The following TMEM9B variants were observed in gnomAD, a reference collection of about 807,000 sequenced individuals.
The protein encoded by TMEM9B is TMEM9 domain family member B, also known as transmembrane protein 9B.
A neutral mutation model predicts 23.5 loss-of-function variants in TMEM9B; 8 were observed. The observed-to-expected ratio is 0.34, with a 90% CI of 0.20 to 0.61. The LOEUF is 0.61. Ranked by LOEUF, TMEM9B falls within the 20% of genes least tolerant of loss-of-function variation. The pLI, the probability that TMEM9B is intolerant of heterozygous loss-of-function variation, is 0.78. For synonymous variants in TMEM9B, 106 were observed against 96.3 expected (o/e 1.10, Z -0.59); for missense variants, 197 against 252.3 (o/e 0.78, Z 1.49).
chr11:8,951,518 G>A (rs945261782), intron 4 of TMEM9B, among the ~76,000 whole-genome samples: 1 of 151,888 alleles, frequency 6.6e-6, no homozygotes, highest in Non-Finnish European at 1.5e-5. Flanking sequence ...TTGGGAGGCC[G>A]AGGCAGGGGG....
At chr11:8,956,095 G>T (rs775778782) in intron 3 of TMEM9B, 95 bp downstream of exon 3, 4 of 1,074,432 alleles carry the variant, frequency 3.7e-6, no homozygotes, top group African/African-American at 3.2e-5. Context: ...TTGGGGTAGG[G>T]GTCCAAATTT....
intron 1 of TMEM9B, among the ~76,000 whole-genome samples, chr11:8,963,777 G>A (rs1300196768): frequency 6.6e-6 from 1 of 152,296 alleles, no homozygotes; most frequent in East Asian, 1.9e-4. Context: ...TCAGATGGGG[G>A]CTTCCTATCA....
In TMEM9B at chr11:8,963,958, C is replaced by T. The variant is rs1303143931; in HGVS notation, c.105+251G>A. On this transcript the variant is annotated intron_variant, in intron 1 of 4. Transcript: ENST00000534025. ...GTTAAGGCGGTGGGGGGCTGCTGTC[C>T]GGACTGTGGGCACTGTCGGGGCTGG... The T allele has an allele frequency of 1.2e-5, 6 of 513,948 alleles. No homozygotes were observed. The East Asian group carries it at 2.1e-4, about 18-fold the overall frequency. The allele number at this position is 513,948 out of a possible 1,614,324, so 31.8% of individuals were successfully genotyped here. A position where few individuals can be genotyped will look rare whatever the true frequency, so the allele number is the denominator to read the frequency against.
intron 2 of TMEM9B, among the ~76,000 whole-genome samples, chr11:8,961,755 C>T (rs1854087655): frequency 6.6e-6 from 1 of 152,182 alleles, no homozygotes; most frequent in African/African-American, 2.4e-5. Flanking sequence ...GCTTGCTAAC[C>T]TTCCACTGAA....
At chr11:8,949,289 A>T (rs1853833541) in intron 4 of TMEM9B, among the ~76,000 whole-genome samples, 1 of 152,248 alleles carries the variant, frequency 6.6e-6, no homozygotes, top group African/African-American at 2.4e-5. Flanking sequence ...AAACGAGTAC[A>T]ACTGGATGTT....
chr11:8,953,847 C>A (rs1450253044), intron 3 of TMEM9B, among the ~76,000 whole-genome samples: 2 of 152,124 alleles, frequency 1.3e-5, no homozygotes, highest in African/African-American at 4.8e-5. Context: ...TAAAGTGGTA[C>A]AACCACTTTG....
At chr11:8,961,711 A>G (rs1854086551) in intron 2 of TMEM9B, among the ~76,000 whole-genome samples, 1 of 152,204 alleles carries the variant, frequency 6.6e-6, no homozygotes, top group African/African-American at 2.4e-5. Flanking sequence ...ATCAAAACCT[A>G]CAAGTTGTAA....
At position 8,957,347 on chromosome 11, in the gene TMEM9B, CT is replaced by C. The variant is rs1853993636; in HGVS notation, c.198-1050del. On this transcript the variant is annotated intron_variant, in intron 2 of 4. Coordinates refer to ENST00000534025, the MANE Select transcript of TMEM9B (RefSeq NM_020644.3). This position sits in a 1 kb window ranked among gnomAD's most constrained non-coding sequence, Gnocchi z 4.3. ...GTGCTATCAGATTTTTCCTAGAAAT[CT>C]GTCAATTCTAAGCAATAACTAAATT... Among the ~76,000 whole-genome samples the C allele has an allele frequency of 6.6e-6, 1 of 152,230 alleles. No individual in the cohort carries two copies. Among genetic ancestry groups the C allele is most frequent in the Non-Finnish European group, 1.5e-5 (1 of 68,038 alleles).
chr11:8,955,358 T>G (rs1434761728), intron 3 of TMEM9B, among the ~76,000 whole-genome samples: 1 of 152,098 alleles, frequency 6.6e-6, no homozygotes, highest in Admixed American at 6.6e-5. Context: ...TTGGGTATGA[T>G]TCTAGCACAT....
rs1481851474 is a variant in TMEM9B, at chr11:8,960,745, G to A, written c.197+1347C>T. Among the ~76,000 whole-genome samples the A allele has an allele frequency of 4.6e-5, 7 of 150,890 alleles. No individual in the cohort carries two copies. In the South Asian group the frequency reaches 8.4e-4, roughly 18 times the overall value. ...CACCCAGGCTGGAGTGCAGTGGCGCGATCTCGGCTCACTGCAAGCTCTGCC... is the reference window on the plus strand; with the variant it reads ...CACCCAGGCTGGAGTGCAGTGGCGCAATCTCGGCTCACTGCAAGCTCTGCC... On this transcript the variant is annotated intron_variant, in intron 2 of 4. Coordinates refer to ENST00000534025, the MANE Select transcript of TMEM9B (RefSeq NM_020644.3).
chr11:8,948,362 C>T lies in TMEM9B; in HGVS notation c.555G>A (p.Glu185=), dbSNP rs1853811727. Residue 185 remains glutamate (E), a synonymous_variant, in exon 5 of 5, where the codon GAG becomes GAA. Coordinates refer to ENST00000534025, the MANE Select transcript of TMEM9B (RefSeq NM_020644.3). ...AQQRWKLQVQ[E]QRKSVFDRHV... ...GCCGGTCAAAGACAGACTTTCGCTGCTCTTGGACTTGAAGCTTCCAGCGCT... is the reference window on the plus strand; with the variant it reads ...GCCGGTCAAAGACAGACTTTCGCTGTTCTTGGACTTGAAGCTTCCAGCGCT... 3.7e-6 allele frequency: 6 copies of T among 1,614,222 alleles called. No homozygotes were observed. Among genetic ancestry groups the T allele is most frequent in the Non-Finnish European group, 5.1e-6 (6 of 1,180,040 alleles).
intron 2 of TMEM9B, among the ~76,000 whole-genome samples, chr11:8,958,500 T>C (rs2134872943): frequency 6.6e-6 from 1 of 151,862 alleles, no homozygotes; most frequent in Admixed American, 6.6e-5. Flanking sequence ...CATATTTTCA[T>C]GTTCTGTTCC....
At chr11:8,961,666 T>A (rs755238105) in intron 2 of TMEM9B, among the ~76,000 whole-genome samples, 1 of 152,234 alleles carries the variant, frequency 6.6e-6, no homozygotes, top group Non-Finnish European at 1.5e-5. Context: ...CTTCTGACAC[T>A]TTTAAACATA....
chr11:8,951,411 C>T (rs1269011253), intron 4 of TMEM9B, among the ~76,000 whole-genome samples: 1 of 151,772 alleles, frequency 6.6e-6, no homozygotes, highest in Non-Finnish European at 1.5e-5. Context: ...TAATAATCCA[C>T]GAGAAAAAGT....
intron 1 of TMEM9B, chr11:8,963,925 A>C: frequency 1.8e-5 from 8 of 451,160 alleles, no homozygotes; most frequent in Non-Finnish European, 2.8e-5. Context: ...GGGGCTGGGA[A>C]GGGAAATGTT....
In TMEM9B at chr11:8,953,225, A is replaced by G. The variant is rs200007082; in HGVS notation, c.419T>C (p.Ile140Thr). 6.2e-7 allele frequency: 1 copy of G among 1,614,204 alleles called. No individual in the cohort carries two copies. Among genetic ancestry groups the G allele is most frequent in the African/African-American group, 1.3e-5 (1 of 75,040 alleles). Residue 140 changes from isoleucine (I) to threonine (T), a missense_variant, in exon 4 of 5, where the codon ATA (isoleucine) becomes ACA (threonine). By Grantham distance (89) the Ile-to-Thr change is moderately conservative. Around this residue, in one of 2 missense-constraint regions of TMEM9B, gnomAD observed 141 missense variants for 214.1 expected, o/e 0.66. Transcript: ENST00000534025. ...TACCCCAATATCATCATCACTCTGT[A>G]TCAACTGTGCATGTCCAAAGAGGCG... ...KRRLFGHAQL[I>T]QSDDDIGDHQ... is the part of the protein sequence containing the mutation.
chr11:8,962,080 C>T lies in TMEM9B; in HGVS notation c.197+12G>A. 1 of 1,511,456 alleles carries T rather than the reference C, an allele frequency of 6.6e-7. No individual in the cohort carries two copies. Among genetic ancestry groups the T allele is most frequent in the Non-Finnish European group, 9.1e-7 (1 of 1,104,960 alleles). 93.6% of individuals were successfully genotyped at this position (1,511,456 alleles called of 1,614,324 possible). A position where few individuals can be genotyped will look rare whatever the true frequency, so the allele number is the denominator to read the frequency against. The stretch of plus-strand genomic sequence containing the variant: ...CAAATGTGACAGGTAATTCAGTAAT[C>T]CAGATACTTACCAATCTTTCTGAGA... On this transcript the variant is annotated intron_variant, in intron 2 of 4. Coordinates refer to ENST00000534025, the MANE Select transcript of TMEM9B (RefSeq NM_020644.3).
At chr11:8,953,533 T>A (rs1379321355) in intron 3 of TMEM9B, among the ~76,000 whole-genome samples, 196 bp from the exon 4 acceptor site, 1 of 152,242 alleles carries the variant, frequency 6.6e-6, no homozygotes, top group African/African-American at 2.4e-5. Flanking sequence ...TCTTTGGGAT[T>A]TTTTTGCAAG....
At chr11:8,955,636 C>T (rs1167335698) in intron 3 of TMEM9B, among the ~76,000 whole-genome samples, 2 of 152,154 alleles carry the variant, frequency 1.3e-5, no homozygotes, top group African/African-American at 4.8e-5. Context: ...TGCTGCTCAT[C>T]TGACAGGAGG....
Sources: allele counts gnomAD v4.1 joint callset (sites outside exome capture counted in the v4.1 genomes callset), GRCh38; gene constraint gnomAD v4.1.1; regional missense constraint gnomAD v4.1.1; non-coding constraint Gnocchi (gnomAD v3.1); transcripts MANE v1.5; gene names NCBI Gene and HGNC (gene_info 2026-07-23, HGNC 2026-07-21).